Variants in EFR3B observed in about 807,000 individuals in gnomAD.
EFR3B encodes the protein protein EFR3 homolog B.
A neutral mutation model predicts 104.7 loss-of-function variants in EFR3B; 64 were observed. That is an observed-to-expected ratio of 0.61 (90% CI 0.50 to 0.75). The LOEUF is 0.75. Among genes scored for constraint, EFR3B ranks in the 30% least tolerant of loss-of-function variants. EFR3B has a pLI of 0.00. For synonymous variants in EFR3B, 385 were observed against 417.9 expected (o/e 0.92, Z 0.96); for missense variants, 750 against 1,078.5 (o/e 0.70, Z 4.27).
intron 1 of EFR3B, among the ~76,000 whole-genome samples, chr2:25,073,733 G>C (rs1668557807): frequency 6.6e-6 from 1 of 152,048 alleles, no homozygotes; most frequent in Non-Finnish European, 1.5e-5. Flanking sequence ...GCAAGCTTAG[G>C]TTCTGAAACC....
At chr2:25,128,794 T>A (rs1255306655) in intron 6 of EFR3B, among the ~76,000 whole-genome samples, 1 of 147,640 alleles carries the variant, frequency 6.8e-6, no homozygotes, top group African/African-American at 2.5e-5. Flanking sequence ...GCGTCTCTAC[T>A]AAAAAAAAAT....
At chr2:25,062,902 T>C (rs1430401375) in intron 1 of EFR3B, among the ~76,000 whole-genome samples, 1 of 151,946 alleles carries the variant, frequency 6.6e-6, no homozygotes, top group African/African-American at 2.4e-5. Context: ...TGAGCAGGGC[T>C]GGGTGTGAAG....
intron 15 of EFR3B, among the ~76,000 whole-genome samples, 187 bp from the exon 16 acceptor site, chr2:25,138,872 C>A (rs889316164): frequency 2.0e-5 from 3 of 152,116 alleles, no homozygotes; most frequent in Non-Finnish European, 2.9e-5. Context: ...GTTCTAGGGA[C>A]CCCTCCCTTC....
chr2:25,138,946 G>C, intron 15 of EFR3B, 113 bp from the exon 16 acceptor site: 2 of 1,425,502 alleles, frequency 1.4e-6, no homozygotes, highest in African/African-American at 1.4e-5. Context: ...GAAAGACTTA[G>C]TCTAGGAAAG....
chr2:25,152,565 A>G (rs17046891), intron 21 of EFR3B, among the ~76,000 whole-genome samples: 2,163 of 152,180 alleles, frequency 0.014, 48 homozygotes, highest in African/African-American at 0.046. Flanking sequence ...GGGGGATGGA[A>G]CAGCCAGGCC....
At chr2:25,145,104 G>A (rs1009431688) in intron 19 of EFR3B, 53 bp downstream of exon 19, 19 of 1,494,246 alleles carry the variant, frequency 1.3e-5, no homozygotes, top group South Asian at 4.8e-5. Context: ...TAGATTGGAC[G>A]CTGGACTCCA....
chr2:25,057,423 A>AC (rs1667945835), intron 1 of EFR3B, among the ~76,000 whole-genome samples: 1 of 152,074 alleles, frequency 6.6e-6, no homozygotes, highest in African/African-American at 2.4e-5. Flanking sequence ...AAAAAAAAAA[A>AC]CAAAAAACAG....
chr2:25,133,899 A>G (rs1489999999), intron 12 of EFR3B, among the ~76,000 whole-genome samples: 1 of 152,162 alleles, frequency 6.6e-6, no homozygotes, highest in Non-Finnish European at 1.5e-5. Flanking sequence ...TGCAGCCATC[A>G]CTGGAGTCTA....
chr2:25,132,822 C>G, intron 10 of EFR3B, 81 bp from the exon 11 acceptor site: 1 of 1,193,118 alleles, frequency 8.4e-7, no homozygotes, highest in Admixed American at 2.1e-5. Context: ...GCAGCCCTCG[C>G]TCTCTGCAGC....
intron 1 of EFR3B, among the ~76,000 whole-genome samples, chr2:25,059,829 C>T (rs1668136676): frequency 1.4e-5 from 2 of 139,998 alleles, no homozygotes; most frequent in South Asian, 2.3e-4. Context: ...GAGCCAAGAT[C>T]GCGCCATTGC....
At chr2:25,132,191 A>G (rs928533238) in intron 10 of EFR3B, among the ~76,000 whole-genome samples, 1 of 152,184 alleles carries the variant, frequency 6.6e-6, no homozygotes, top group Non-Finnish European at 1.5e-5. Context: ...GAGAGAATGA[A>G]GTCGGGAAAT....
At chr2:25,108,106 T>TGCC (rs1266491014) in intron 4 of EFR3B, among the ~76,000 whole-genome samples, 2 of 152,172 alleles carry the variant, frequency 1.3e-5, no homozygotes, top group Non-Finnish European at 2.9e-5. Context: ...AGTGCTGGGA[T>TGCC]TACAGGTGTG....
At chr2:25,093,948 C>G (rs1669205373) in intron 3 of EFR3B, among the ~76,000 whole-genome samples, 1 of 152,158 alleles carries the variant, frequency 6.6e-6, no homozygotes, top group South Asian at 2.1e-4. Context: ...AGTGACTGAT[C>G]AATAGACTTA....
At chr2:25,079,500 C>T (rs1344423049) in intron 1 of EFR3B, among the ~76,000 whole-genome samples, 4 of 152,114 alleles carry the variant, frequency 2.6e-5, no homozygotes, top group Admixed American at 6.6e-5. Context: ...GGGGTTGTTA[C>T]GAGACTTATA....
intron 18 of EFR3B, among the ~76,000 whole-genome samples, chr2:25,144,278 C>T (rs1670755253): frequency 6.6e-6 from 1 of 152,136 alleles, no homozygotes; most frequent in Admixed American, 6.5e-5. Context: ...TGCAGAGGTT[C>T]ACACCTGTAA....
At chr2:25,081,498 C>A in intron 1 of EFR3B, 1 of 1,377,594 alleles carries the variant, frequency 7.3e-7, no homozygotes, top group Non-Finnish European at 1.0e-6. Context: ...CAGCTTCTTG[C>A]AATAATTCCA....
Position 25,130,529 on chromosome 2 carries a change from C to G in EFR3B, c.771-23C>G. 1 of 1,541,856 alleles carries G rather than the reference C, an allele frequency of 6.5e-7. No individual in the cohort carries two copies. The highest frequency in any genetic ancestry group is 8.8e-7 in the Non-Finnish European group (1 of 1,138,030). On this transcript the variant is annotated intron_variant, in intron 7 of 22. Coordinates refer to ENST00000403714, the MANE Select transcript of EFR3B (RefSeq NM_014971.2). The surrounding 1 kb of genome is among the most constrained non-coding windows in gnomAD (Gnocchi z 4.6). Reference sequence around the variant, plus strand: ...CACTGCCGGGAGTTTCATAGTTGTTCCCCCACGTTTTCTCCCTCACAGCCA... The same window carrying G: ...CACTGCCGGGAGTTTCATAGTTGTTGCCCCACGTTTTCTCCCTCACAGCCA...
intron 2 of EFR3B, among the ~76,000 whole-genome samples, chr2:25,092,560 T>TC (rs1558598715): frequency 6.6e-6 from 1 of 151,768 alleles, no homozygotes; most frequent in Non-Finnish European, 1.5e-5. Context: ...ATTCTTTTTC[T>TC]CCCCCCGAGA....
chr2:25,153,785 G>T (rs1671081863), intron 22 of EFR3B, 24 bp downstream of exon 22: 35 of 1,551,298 alleles, frequency 2.3e-5, no homozygotes, highest in Non-Finnish European at 3.1e-5. Context: ...CTGGGCAGGG[G>T]ACCCTGACCT....
Sources: gnomAD v4.1 joint callset for allele counts (sites outside exome capture counted in the v4.1 genomes callset) on GRCh38, gnomAD v4.1.1 for gene constraint, Gnocchi (gnomAD v3.1) non-coding constraint, MANE v1.5 for transcripts, NCBI Gene and HGNC (gene_info 2026-07-23, HGNC 2026-07-21) for gene names.